Variants in ZNF804B observed in about 807,000 individuals in gnomAD.
ZNF804B encodes the protein zinc finger protein 804B.
Under a neutral mutation model 101.4 loss-of-function variants are expected in ZNF804B, and 80 were observed. The observed-to-expected ratio is 0.79, with a 90% CI of 0.66 to 0.95. The LOEUF (loss-of-function observed/expected upper bound fraction) is 0.95, where lower values mean the gene tolerates loss of function less well. Among genes scored for constraint, ZNF804B ranks in the 40% least tolerant of loss-of-function variants. The probability of loss-of-function intolerance (pLI) is 0.00; values close to 1 mark genes in which losing one functional copy is unlikely to be tolerated. For synonymous variants in ZNF804B, 622 were observed against 558.8 expected (o/e 1.11, Z -1.59); for missense variants, 1,673 against 1,561.9 (o/e 1.07, Z -1.20).
chr7:88,769,568 A>G (rs972633516), intron 1 of ZNF804B, among the ~76,000 whole-genome samples: 1 of 152,216 alleles, frequency 6.6e-6, no homozygotes, highest in Non-Finnish European at 1.5e-5. Flanking sequence ...GGCATATTTA[A>G]CAGCTTCTGA....
At chr7:88,845,878 A>G (rs1562810094) in intron 1 of ZNF804B, among the ~76,000 whole-genome samples, 1 of 152,200 alleles carries the variant, frequency 6.6e-6, no homozygotes, top group Non-Finnish European at 1.5e-5. Context: ...AGGTTATAAT[A>G]AGCAATAAAT....
chr7:88,776,630 C>G (rs904457559), intron 1 of ZNF804B, among the ~76,000 whole-genome samples: 1 of 141,172 alleles, frequency 7.1e-6, no homozygotes, highest in Non-Finnish European at 1.5e-5. Context: ...AACTTGCTGC[C>G]AAGTGGAAGG....
At chr7:88,771,963 A>G (rs1270783113) in intron 1 of ZNF804B, among the ~76,000 whole-genome samples, 1 of 152,114 alleles carries the variant, frequency 6.6e-6, no homozygotes, top group African/African-American at 2.4e-5. Context: ...TAATATGTAA[A>G]CTTTACTACA....
chr7:89,089,876 G>C (rs1379033762), intron 1 of ZNF804B, among the ~76,000 whole-genome samples: 1 of 152,028 alleles, frequency 6.6e-6, no homozygotes, highest in Non-Finnish European at 1.5e-5. Flanking sequence ...CATTGACTTA[G>C]AATGGATTGT....
At chr7:88,975,531 T>C (rs1167146682) in intron 1 of ZNF804B, among the ~76,000 whole-genome samples, 3 of 151,500 alleles carry the variant, frequency 2.0e-5, no homozygotes, top group Admixed American at 6.6e-5. Context: ...TCTCTCATGA[T>C]CCTTGACACT....
At chr7:89,021,609 C>T (rs1383710782) in intron 1 of ZNF804B, among the ~76,000 whole-genome samples, 1 of 152,088 alleles carries the variant, frequency 6.6e-6, no homozygotes, top group Non-Finnish European at 1.5e-5. Flanking sequence ...CTGGAGGTGG[C>T]CTGTCAGGTT....
At chr7:89,213,066 G>T (rs957485881) in intron 1 of ZNF804B, among the ~76,000 whole-genome samples, 1 of 152,136 alleles carries the variant, frequency 6.6e-6, no homozygotes, top group Non-Finnish European at 1.5e-5. Flanking sequence ...TTGAACTTCT[G>T]TAAGACAGAG....
intron 2 of ZNF804B, among the ~76,000 whole-genome samples, chr7:89,286,521 A>G (rs1269393656): frequency 6.6e-6 from 1 of 152,244 alleles, no homozygotes; most frequent in African/African-American, 2.4e-5. Flanking sequence ...ATGACAAAAT[A>G]GACTGTGAAT....
rs61729333 is a variant in ZNF804B at position 88,794,799 on chromosome 7, A to G, written c.108+34715A>G. 6.6e-5 allele frequency: 107 copies of G among 1,613,792 alleles called. No individual in the cohort carries two copies. In the African/African-American group the frequency reaches 1.3e-3, roughly 19 times the overall value. Reference sequence around the variant, plus strand: ...GTATCTTGGCCACTAGAAACATCCTATCAAGAAGGAATTTCTTTAGGTGTA... The same window carrying G: ...GTATCTTGGCCACTAGAAACATCCTGTCAAGAAGGAATTTCTTTAGGTGTA... On this transcript the variant is annotated intron_variant, in intron 1 of 3. Transcript: ENST00000333190.
At chr7:88,814,539 T>G (rs568761736) in intron 1 of ZNF804B, among the ~76,000 whole-genome samples, 14 of 151,714 alleles carry the variant, frequency 9.2e-5, no homozygotes, top group African/African-American at 2.7e-4. Context: ...TACTCATAGA[T>G]TATGATGAGA....
intron 1 of ZNF804B, among the ~76,000 whole-genome samples, chr7:89,164,123 G>A (rs998168924): frequency 6.6e-6 from 1 of 151,570 alleles, no homozygotes; most frequent in Non-Finnish European, 1.5e-5. Flanking sequence ...TATAAAATGA[G>A]CTTTGATAAC....
intron 1 of ZNF804B, among the ~76,000 whole-genome samples, chr7:88,914,316 G>C (rs968182952): frequency 6.6e-6 from 1 of 152,096 alleles, no homozygotes; most frequent in Non-Finnish European, 1.5e-5. Flanking sequence ...GTTGCCGATA[G>C]GGTCCATGTT....
intron 1 of ZNF804B, among the ~76,000 whole-genome samples, chr7:88,851,521 C>A (rs888499859): frequency 3.3e-5 from 5 of 152,060 alleles, no homozygotes; most frequent in Admixed American, 3.3e-4. Flanking sequence ...GAATTCTTCA[C>A]CTACCAAAAA....
At chr7:89,263,931 T>A (rs1295157016) in intron 2 of ZNF804B, among the ~76,000 whole-genome samples, 1 of 152,192 alleles carries the variant, frequency 6.6e-6, no homozygotes, top group Non-Finnish European at 1.5e-5. Flanking sequence ...TAACCAAGTT[T>A]GTGGTAATTT....
chr7:88,851,697 T>A (rs958582892), intron 1 of ZNF804B, among the ~76,000 whole-genome samples: 1 of 152,076 alleles, frequency 6.6e-6, no homozygotes, highest in Non-Finnish European at 1.5e-5. Flanking sequence ...ATGAACAGCA[T>A]GGATCAGTAA....
chr7:88,887,292 T>C lies in ZNF804B; in HGVS notation c.108+127208T>C, dbSNP rs186635669. 7.1e-3 allele frequency among the ~76,000 whole-genome samples: 771 copies of C among 109,308 alleles called. 9 individuals carry two copies. The highest frequency in any genetic ancestry group is 0.031 in the African/African-American group (732 of 23,790). The allele number at this position is 109,308 out of a possible 152,430, so 71.7% of individuals were successfully genotyped here. On this transcript the variant is annotated intron_variant, in intron 1 of 3. Coordinates refer to ENST00000333190, the MANE Select transcript of ZNF804B (RefSeq NM_181646.5). ...CCACTTTTTAATGGGGTTGTTTTTC[T>C]CTTGTAAATTTGTTTAAGTTCCATA...
chr7:88,906,952 T>G (rs1792479493), intron 1 of ZNF804B, among the ~76,000 whole-genome samples: 1 of 152,124 alleles, frequency 6.6e-6, no homozygotes, highest in African/African-American at 2.4e-5. Flanking sequence ...TAATTAATTC[T>G]TCTTGTTGAA....
chr7:89,168,644 T>C (rs978898771), intron 1 of ZNF804B, among the ~76,000 whole-genome samples: 1 of 150,140 alleles, frequency 6.7e-6, no homozygotes, highest in African/African-American at 2.5e-5. Flanking sequence ...CATTTTAACT[T>C]AAGACTATCC....
chr7:89,163,197 T>A (rs1271938123), intron 1 of ZNF804B, among the ~76,000 whole-genome samples: 1 of 152,048 alleles, frequency 6.6e-6, no homozygotes, highest in Non-Finnish European at 1.5e-5. Context: ...TGATGGAGAG[T>A]GTTACCAGTA....
Sources: gnomAD v4.1 joint callset for allele counts (sites outside exome capture counted in the v4.1 genomes callset) on GRCh38, gnomAD v4.1.1 for gene constraint, MANE v1.5 for transcripts, NCBI Gene and HGNC (gene_info 2026-07-23, HGNC 2026-07-21) for gene names.